Variants in PDE4D observed in about 807,000 individuals in gnomAD.
PDE4D encodes the protein 3',5'-cyclic-AMP phosphodiesterase 4D.
In PDE4D, 24 loss-of-function variants were observed where a neutral mutation model predicts 87.4. That is an observed-to-expected ratio of 0.27 (90% CI 0.20 to 0.39). PDE4D has a LOEUF of 0.39. PDE4D is among the 10% of genes least tolerant of loss of function. The pLI is 1.00. For synonymous variants in PDE4D, 384 were observed against 383.2 expected, an observed-to-expected ratio of 1.00 and a Z score of -0.02; for missense variants, 714 against 1,041.0, an observed-to-expected ratio of 0.69 and a Z score of 4.32.
intron 1 of PDE4D, among the ~76,000 whole-genome samples, chr5:60,327,916 T>C (rs1164242074): frequency 6.6e-6 from 1 of 152,186 alleles, no homozygotes; most frequent in Non-Finnish European, 1.5e-5. Flanking sequence ...ATGTTTTTTC[T>C]ACATTTCTAT....
At chr5:60,497,938 A>G (rs1749894169) in intron 1 of PDE4D, among the ~76,000 whole-genome samples, 1 of 152,216 alleles carries the variant, frequency 6.6e-6, no homozygotes. Context: ...TGTTCCAAGA[A>G]GGAACACTGG....
chr5:60,382,409 A>G (rs1761923172), intron 1 of PDE4D, among the ~76,000 whole-genome samples: 1 of 151,968 alleles, frequency 6.6e-6, no homozygotes, highest in Non-Finnish European at 1.5e-5. Context: ...ACACATTTCT[A>G]TTTTTCTGCA....
chr5:59,309,582 C>CA (rs1450373741), intron 1 of PDE4D, among the ~76,000 whole-genome samples: 1 of 152,154 alleles, frequency 6.6e-6, no homozygotes, highest in African/African-American at 2.4e-5. Flanking sequence ...TTCCCACTTC[C>CA]ACAGTTGGGG....
intron 1 of PDE4D, among the ~76,000 whole-genome samples, chr5:59,245,792 G>C (rs1258630720): frequency 6.6e-6 from 1 of 151,992 alleles, no homozygotes; most frequent in African/African-American, 2.4e-5. Context: ...ATACCATGCA[G>C]GGCTCTGTGA....
intron 2 of PDE4D, among the ~76,000 whole-genome samples, chr5:60,057,786 C>A (rs1770938885): frequency 6.6e-6 from 1 of 151,880 alleles, no homozygotes; most frequent in African/African-American, 2.4e-5. Flanking sequence ...ATGACCAAAG[C>A]CATTTTTCAT....
intron 2 of PDE4D, among the ~76,000 whole-genome samples, chr5:60,111,408 A>C (rs1777671717): frequency 6.6e-6 from 1 of 152,032 alleles, no homozygotes; most frequent in Non-Finnish European, 1.5e-5. Context: ...CCAGGAAATT[A>C]GTTTGAACAT....
chr5:59,724,210 G>T (rs1226454789), intron 1 of PDE4D, among the ~76,000 whole-genome samples: 2 of 152,002 alleles, frequency 1.3e-5, no homozygotes, highest in Admixed American at 1.3e-4. Context: ...TAGGTATGAA[G>T]GTTTCTACAC....
At chr5:59,659,283 G>C (rs893845317) in intron 1 of PDE4D, among the ~76,000 whole-genome samples, 1 of 152,144 alleles carries the variant, frequency 6.6e-6, no homozygotes, top group African/African-American at 2.4e-5. Context: ...TCTTTCCAAA[G>C]ACCAGAAGAA....
At chr5:60,489,244 A>T (rs978256846), upstream of PDE4D, among the ~76,000 whole-genome samples, 1 of 152,242 alleles carries the variant, frequency 6.6e-6, no homozygotes, top group Non-Finnish European at 1.5e-5. Context: ...TAGCAAGTGT[A>T]ACATTAGCAA....
At chr5:59,688,456 C>T (rs552416072) in intron 1 of PDE4D, among the ~76,000 whole-genome samples, 1 of 152,184 alleles carries the variant, frequency 6.6e-6, no homozygotes, top group Non-Finnish European at 1.5e-5. Flanking sequence ...GAACAACCTG[C>T]TCCTGAATGA....
At chr5:59,311,388 C>T (rs1330662827) in intron 1 of PDE4D, among the ~76,000 whole-genome samples, 1 of 151,146 alleles carries the variant, frequency 6.6e-6, no homozygotes, top group African/African-American at 2.4e-5. Flanking sequence ...GTAGTCCCAG[C>T]TCCTCGGAAG....
At chr5:59,646,409 T>C (rs1742455463) in intron 1 of PDE4D, among the ~76,000 whole-genome samples, 1 of 152,200 alleles carries the variant, frequency 6.6e-6, no homozygotes, top group African/African-American at 2.4e-5. Context: ...CTGATTCTGT[T>C]GGATACTCAG....
chr5:59,446,250 T>G (rs1199037858), intron 1 of PDE4D, among the ~76,000 whole-genome samples: 1 of 152,166 alleles, frequency 6.6e-6, no homozygotes, highest in Non-Finnish European at 1.5e-5. Context: ...ACTTGATAAT[T>G]TTAACACTTA....
In PDE4D at chr5:60,070,985, C is replaced by T. The variant is rs188506251; in HGVS notation, c.43-82268G>A. Among the ~76,000 whole-genome samples the T allele has an allele frequency of 3.9e-5, 6 of 151,982 alleles. No individual in the cohort carries two copies. The East Asian group carries it at 1.2e-3, about 29-fold the overall frequency. On this transcript the variant is annotated intron_variant, in intron 2 of 16. Transcript: ENST00000502484. ...TTGGCACATAATTGTTCATAGTTAT[C>T]TCTTTTGATTCTTTCTTATTTTGTG...
chr5:60,334,098 T>C (rs1757541487), intron 1 of PDE4D, among the ~76,000 whole-genome samples: 1 of 152,214 alleles, frequency 6.6e-6, no homozygotes, highest in South Asian at 2.1e-4. Flanking sequence ...TCAATGTCTA[T>C]GTGTTTTTTC....
intron 2 of PDE4D, among the ~76,000 whole-genome samples, chr5:60,057,981 CTCTAAA>C (rs1770964724): frequency 6.6e-6 from 1 of 151,904 alleles, no homozygotes; most frequent in African/African-American, 2.4e-5. Context: ...AAGATAGATT[CTCTAAA>C]TCTTCTGCTT....
At chr5:60,165,831 A>G (rs1052805413) in intron 2 of PDE4D, among the ~76,000 whole-genome samples, 2 of 151,090 alleles carry the variant, frequency 1.3e-5, no homozygotes, top group Non-Finnish European at 3.0e-5. Context: ...TTTTAAATCT[A>G]TTTTTCTGTC....
chr5:59,006,356 GGAGGTCGA>G (rs1454054074), intron 6 of PDE4D, among the ~76,000 whole-genome samples: 6 of 152,194 alleles, frequency 3.9e-5, no homozygotes, highest in African/African-American at 1.4e-4. Flanking sequence ...CTTGAGGCCA[GGAGGTCGA>G]GACCAGCCTG....
At chr5:59,310,737 G>C (rs1265518594) in intron 1 of PDE4D, among the ~76,000 whole-genome samples, 1 of 152,202 alleles carries the variant, frequency 6.6e-6, no homozygotes, top group Non-Finnish European at 1.5e-5. Flanking sequence ...ACGGGTGGCA[G>C]ATGGATTGTC....
Sources: allele counts gnomAD v4.1 joint callset (sites outside exome capture counted in the v4.1 genomes callset), GRCh38; gene constraint gnomAD v4.1.1; transcripts MANE v1.5; gene names NCBI Gene and HGNC (gene_info 2026-07-23, HGNC 2026-07-21).